Variants in ROBO2 observed in about 807,000 individuals in gnomAD.
The protein encoded by ROBO2 is roundabout homolog 2.
Under a neutral mutation model 160.8 loss-of-function variants are expected in ROBO2, and 53 were observed. The ratio of observed to expected loss-of-function variants is 0.33; its 90% CI spans 0.26 to 0.41. The LOEUF (loss-of-function observed/expected upper bound fraction) is 0.41, where lower values mean the gene tolerates loss of function less well. Ranked by LOEUF, ROBO2 falls within the 10% of genes least tolerant of loss-of-function variation. ROBO2 has a pLI of 1.00. For missense variants in ROBO2, 1,577 were observed against 1,722.4 expected (o/e 0.92, Z 1.49); for synonymous variants, 664 against 611.7 (o/e 1.09, Z -1.26).
intron 1 of ROBO2, among the ~76,000 whole-genome samples, chr3:75,933,670 T>A (rs1947638439): frequency 6.6e-6 from 1 of 152,108 alleles, no homozygotes; most frequent in African/African-American, 2.4e-5. Context: ...TATACATACA[T>A]AATATACCTA....
chr3:76,171,547 G>A (rs933412729), intron 2 of ROBO2, among the ~76,000 whole-genome samples: 9 of 152,148 alleles, frequency 5.9e-5, no homozygotes, highest in South Asian at 2.1e-4. Context: ...TCAAAGGACC[G>A]GGAAGAAGGG....
intron 1 of ROBO2, among the ~76,000 whole-genome samples, chr3:77,070,755 G>A (rs74645967): frequency 0.018 from 2,766 of 152,216 alleles, 89 homozygotes; most frequent in African/African-American, 0.063. Flanking sequence ...TTCTTGGCAG[G>A]TTTTAAGCTG....
At chr3:76,900,173 C>T (rs373849235) in intron 2 of ROBO2, among the ~76,000 whole-genome samples, 30 of 152,210 alleles carry the variant, frequency 2.0e-4, no homozygotes, top group African/African-American at 7.0e-4. Flanking sequence ...ATCACAAGAA[C>T]GGCACGGGAA....
At chr3:77,411,609 A>C (rs1233963599) in intron 2 of ROBO2, among the ~76,000 whole-genome samples, 4 of 152,200 alleles carry the variant, frequency 2.6e-5, no homozygotes, top group Non-Finnish European at 4.4e-5. Context: ...AAGCAAGAAG[A>C]ATAAAGGTGG....
intron 24 of ROBO2, 41 bp from the exon 27 acceptor site, chr3:77,644,663 T>C (rs1284722231): frequency 3.1e-6 from 5 of 1,587,588 alleles, no homozygotes; most frequent in East Asian, 4.5e-5. Flanking sequence ...TGCCTCCATG[T>C]TTCTGTTCAA....
intron 2 of ROBO2, among the ~76,000 whole-genome samples, chr3:76,306,367 G>A (rs1486547978): frequency 6.6e-6 from 1 of 151,876 alleles, no homozygotes; most frequent in Non-Finnish European, 1.5e-5. Flanking sequence ...CTCACATTAT[G>A]CCATTACTAC....
intron 2 of ROBO2, among the ~76,000 whole-genome samples, chr3:76,839,882 G>T (rs1460345012): frequency 1.3e-5 from 2 of 152,042 alleles, no homozygotes; most frequent in Non-Finnish European, 2.9e-5. Context: ...ATTTCTTCAT[G>T]GATAAATCTT....
intron 2 of ROBO2, among the ~76,000 whole-genome samples, chr3:76,157,738 C>T (rs2072463659): frequency 6.6e-6 from 1 of 152,104 alleles, no homozygotes. Context: ...CATTGAACTT[C>T]CTAATTTGTA....
intron 13 of ROBO2, among the ~76,000 whole-genome samples, chr3:77,573,112 A>G (rs1054714027): frequency 2.0e-5 from 3 of 152,002 alleles, no homozygotes; most frequent in Non-Finnish European, 1.5e-5. Context: ...GTCAAATTTA[A>G]GCCTTGTTAG....
intron 2 of ROBO2, among the ~76,000 whole-genome samples, chr3:76,471,159 CATTTT>C: frequency 6.6e-6 from 1 of 152,188 alleles, no homozygotes; most frequent in East Asian, 1.9e-4. Context: ...ACACTGTAAT[CATTTT>C]AAATTACTTG....
chr3:77,562,714 G>A lies in ROBO2; in HGVS notation c.1501G>A (p.Ala501Thr), dbSNP rs1045855621. 1 of 1,612,334 alleles carries A rather than the reference G, an allele frequency of 6.2e-7. No homozygotes were observed. The highest frequency in any genetic ancestry group is 1.7e-5 in the Admixed American group (1 of 59,854). The change falls in exon 10 of 26, where the codon GCA becomes ACA. Residue 501 changes from alanine (A) to threonine (T), a missense_variant. By Grantham distance (58) the Ala-to-Thr change is moderately conservative. Coordinates refer to ENST00000461745, the Ensembl canonical transcript of ROBO2. ...TTCAAGTGGAGAGACTTCCTGGAGT[G>A]CAGTGCTGGATGTGACAGGTGAGGA...
chr3:76,852,022 A>G (rs1255960421), intron 2 of ROBO2, among the ~76,000 whole-genome samples: 1 of 152,094 alleles, frequency 6.6e-6, no homozygotes, highest in Non-Finnish European at 1.5e-5. Flanking sequence ...ACAGTCACCC[A>G]TGGTTTCCAG....
At chr3:77,607,610 A>G (rs927917071) in intron 20 of ROBO2, among the ~76,000 whole-genome samples, 188 bp from the exon 22 acceptor site, 23 of 152,178 alleles carry the variant, frequency 1.5e-4, no homozygotes, top group African/African-American at 5.5e-4. Flanking sequence ...ACTGGGGAAA[A>G]AAAAACAGTA....
intron 2 of ROBO2, among the ~76,000 whole-genome samples, chr3:76,756,796 C>T (rs1018819210): frequency 5.9e-5 from 9 of 151,818 alleles, no homozygotes; most frequent in Non-Finnish European, 1.3e-4. Context: ...CAGGAAGACA[C>T]GCCCTGCCTT....
chr3:76,171,885 G>A (rs1290157649), intron 2 of ROBO2, among the ~76,000 whole-genome samples: 1 of 152,112 alleles, frequency 6.6e-6, no homozygotes, highest in Non-Finnish European at 1.5e-5. Flanking sequence ...AAACTCAGAA[G>A]AGATGTCTAG....
At chr3:77,261,355 A>G (rs1560369932) in intron 2 of ROBO2, among the ~76,000 whole-genome samples, 1 of 152,152 alleles carries the variant, frequency 6.6e-6, no homozygotes, top group Admixed American at 6.5e-5. Flanking sequence ...TATTCTCTCC[A>G]AAGACACTTT....
At chr3:77,255,488 G>GA (rs1265241242) in intron 2 of ROBO2, among the ~76,000 whole-genome samples, 4 of 152,186 alleles carry the variant, frequency 2.6e-5, no homozygotes, top group African/African-American at 9.6e-5. Flanking sequence ...ATTGACCTCT[G>GA]AAGTGCTGAG....
chr3:76,941,801 C>T (rs1242238496), intron 2 of ROBO2, among the ~76,000 whole-genome samples: 4 of 152,088 alleles, frequency 2.6e-5, no homozygotes, highest in African/African-American at 4.8e-5. Flanking sequence ...CTGTGGTTAC[C>T]GGAACATAAT....
chr3:76,336,064 G>A (rs998904422), intron 2 of ROBO2, among the ~76,000 whole-genome samples: 2 of 152,114 alleles, frequency 1.3e-5, no homozygotes, highest in African/African-American at 2.4e-5. Flanking sequence ...AAATAGATAC[G>A]TATTTCTCTC....
Sources: allele counts gnomAD v4.1 joint callset (sites outside exome capture counted in the v4.1 genomes callset), GRCh38; gene constraint gnomAD v4.1.1; transcripts MANE v1.5; gene names NCBI Gene and HGNC (gene_info 2026-07-23, HGNC 2026-07-21).